VPS37A: variants seen among roughly 807,000 people sequenced by gnomAD.
The protein encoded by VPS37A is VPS37A subunit of ESCRT-I.
In VPS37A, 30 loss-of-function variants were observed where a neutral mutation model predicts 49.8. The observed-to-expected ratio is 0.60, with a 90% CI of 0.45 to 0.82. The LOEUF (loss-of-function observed/expected upper bound fraction) is 0.82, where lower values mean the gene tolerates loss of function less well. Ranked by LOEUF, VPS37A falls within the 40% of genes least tolerant of loss-of-function variation. VPS37A has a pLI of 0.00. For synonymous variants in VPS37A, 195 were observed against 160.6 expected (o/e 1.21, Z -1.62); for missense variants, 593 against 464.4 (o/e 1.28, Z -2.55).
At chr8:17,261,778 A>T (rs937491555) in intron 1 of VPS37A, among the ~76,000 whole-genome samples, 1 of 152,294 alleles carries the variant, frequency 6.6e-6, no homozygotes, top group Non-Finnish European at 1.5e-5. Flanking sequence ...AAGGCTGGCA[A>T]ACGGTTCCTG....
chr8:17,258,111 T>A (rs1470970292), intron 1 of VPS37A, among the ~76,000 whole-genome samples: 1 of 152,314 alleles, frequency 6.6e-6, no homozygotes, highest in East Asian at 1.9e-4. Context: ...CTAATTTAAC[T>A]TCTCTTTTCC....
chr8:17,318,352 G>A, the VPS37A span, among the ~76,000 whole-genome samples: 3 of 152,268 alleles, frequency 2.0e-5, no homozygotes, highest in South Asian at 6.2e-4. Context: ...CTGGGCTGAA[G>A]ACAAGTTTAC....
chr8:17,305,807 G>T, downstream of VPS37A: 2 of 1,613,506 alleles, frequency 1.2e-6, no homozygotes, highest in South Asian at 1.1e-5. Context: ...TTCCAAACTG[G>T]CAGGAATAAA....
intron 11 of VPS37A, among the ~76,000 whole-genome samples, chr8:17,293,291 C>T (rs1029969697): frequency 6.6e-6 from 1 of 151,758 alleles, no homozygotes; most frequent in Non-Finnish European, 1.5e-5. Context: ...CTGTGTTTTT[C>T]AGTTCCATCA....
the VPS37A span, chr8:17,326,497 C>T: frequency 6.6e-6 from 1 of 152,212 alleles, no homozygotes; most frequent in Non-Finnish European, 1.5e-5. Context: ...ATCAGAATCA[C>T]TACTCAACAA....
chr8:17,276,267 G>C (rs1029292675), intron 5 of VPS37A, 130 bp from the exon 6 acceptor site: 1 of 667,064 alleles, frequency 1.5e-6, no homozygotes, highest in African/African-American at 1.9e-5. Context: ...GGCAGTGTGA[G>C]ATGTGAAGAT....
downstream of VPS37A, chr8:17,302,111 A>C (rs199874867): frequency 8.1e-6 from 13 of 1,613,112 alleles, no homozygotes; most frequent in East Asian, 2.2e-4. Flanking sequence ...GCTCTTCAAG[A>C]AATAAGCACA....
chr8:17,273,265 A>C (rs901357769), intron 4 of VPS37A, among the ~76,000 whole-genome samples: 2 of 151,998 alleles, frequency 1.3e-5, no homozygotes, highest in African/African-American at 4.8e-5. Flanking sequence ...ATAATCTTTA[A>C]AATAATATTT....
intron 1 of VPS37A, among the ~76,000 whole-genome samples, chr8:17,262,834 G>T (rs1056004013): frequency 1.3e-5 from 2 of 151,946 alleles, no homozygotes; most frequent in Non-Finnish European, 2.9e-5. Flanking sequence ...AGGCCGAGGC[G>T]GGCAGATCAC....
intron 11 of VPS37A, among the ~76,000 whole-genome samples, chr8:17,294,461 G>A (rs1043384221): frequency 6.6e-6 from 1 of 152,144 alleles, no homozygotes; most frequent in Non-Finnish European, 1.5e-5. Context: ...GGAGAGTGAA[G>A]GGTTCTGTCT....
intron 1 of VPS37A, among the ~76,000 whole-genome samples, chr8:17,249,045 G>T (rs1004808278): frequency 6.6e-6 from 1 of 152,152 alleles, no homozygotes; most frequent in Non-Finnish European, 1.5e-5. Flanking sequence ...TCCTGCTATT[G>T]CAGAAACACT....
At chr8:17,304,142 A>T (rs1439545222), downstream of VPS37A, among the ~76,000 whole-genome samples, 1 of 152,312 alleles carries the variant, frequency 6.6e-6, no homozygotes, top group South Asian at 2.1e-4. Context: ...CCTTTTTATG[A>T]TATCATTATT....
intron 1 of VPS37A, 155 bp from the exon 2 acceptor site, chr8:17,265,752 C>T (rs1038077125): frequency 1.2e-5 from 19 of 1,528,260 alleles, no homozygotes; most frequent in Non-Finnish European, 1.6e-5. Context: ...TAACTATGAT[C>T]ATTTTCCTTC....
chr8:17,247,394 G>C (rs770688795), intron 1 of VPS37A, 25 bp downstream of exon 1: 37 of 593,484 alleles, frequency 6.2e-5, no homozygotes, highest in Non-Finnish European at 9.7e-5. Flanking sequence ...CCTCTCCACC[G>C]GAGGAAAAAG....
the VPS37A span, among the ~76,000 whole-genome samples, chr8:17,309,686 G>A: frequency 1.3e-5 from 2 of 152,076 alleles, no homozygotes; most frequent in Non-Finnish European, 2.9e-5. Context: ...TTTCATATTC[G>A]CCCAAGATCA....
downstream of VPS37A, among the ~76,000 whole-genome samples, chr8:17,306,436 T>C (rs1164026119): frequency 6.6e-6 from 1 of 152,060 alleles, no homozygotes; most frequent in Non-Finnish European, 1.5e-5. Context: ...ATATTCCCAT[T>C]CCTAAAGCGG....
At chr8:17,299,608 A>G (rs1293118160), downstream of VPS37A, 2 of 476,566 alleles carry the variant, frequency 4.2e-6, no homozygotes, top group Admixed American at 3.4e-5. Context: ...CTCTGCAGTG[A>G]ATATAATTTT....
In VPS37A at chr8:17,284,629, CG is replaced by C; in HGVS notation, c.1113+14del. 6.3e-7 allele frequency: 1 copy of C among 1,579,688 alleles called. No homozygotes were observed. The highest frequency in any genetic ancestry group is 8.6e-7 in the Non-Finnish European group (1 of 1,168,256). On this transcript the variant is annotated intron_variant, in intron 10 of 11. Transcript: ENST00000324849. The stretch of plus-strand genomic sequence containing the variant: ...GGAAAAGAGAACAGTATGTAATACT[CG>C]TCAGTTGAGGACAAGTATTGGATAA...
At chr8:17,308,635 CAA>C in the VPS37A span, among the ~76,000 whole-genome samples, 2 of 152,142 alleles carry the variant, frequency 1.3e-5, no homozygotes, top group Non-Finnish European at 2.9e-5. Context: ...ATTTAAGATT[CAA>C]AGAGTAGAGA....
Sources: gnomAD v4.1 joint callset for allele counts (sites outside exome capture counted in the v4.1 genomes callset) on GRCh38, gnomAD v4.1.1 for gene constraint, MANE v1.5 for transcripts, NCBI Gene and HGNC (gene_info 2026-07-23, HGNC 2026-07-21) for gene names.